Variants in NKAIN2 observed in about 807,000 individuals in gnomAD.
The protein encoded by NKAIN2 is sodium/potassium transporting ATPase interacting 2.
A neutral mutation model predicts 32.6 loss-of-function variants in NKAIN2; 14 were observed. That is an observed-to-expected ratio of 0.43 (90% CI 0.28 to 0.67). The LOEUF (loss-of-function observed/expected upper bound fraction) is 0.67. Among genes scored for constraint, NKAIN2 ranks in the 30% least tolerant of loss-of-function variants. The probability of loss-of-function intolerance (pLI) is 0.17; values close to 1 mark genes in which losing one functional copy is unlikely to be tolerated. For missense variants in NKAIN2, 198 were observed against 258.3 expected (o/e 0.77, Z 1.60); for synonymous variants, 80 against 87.2 (o/e 0.92, Z 0.46).
At chr6:124,578,449 C>T (rs541810449) in intron 3 of NKAIN2, among the ~76,000 whole-genome samples, 5 of 151,926 alleles carry the variant, frequency 3.3e-5, no homozygotes, top group African/African-American at 1.2e-4. Context: ...TTGCTATGGG[C>T]CTGGATCTAT....
chr6:124,294,169 C>T (rs975765307), intron 2 of NKAIN2, among the ~76,000 whole-genome samples: 1 of 151,888 alleles, frequency 6.6e-6, no homozygotes, highest in Admixed American at 6.6e-5. Context: ...TCATAAATGG[C>T]GGAGAAGTAG....
In NKAIN2 at chr6:124,167,500, T is replaced by A. The variant is rs553624223; in HGVS notation, c.55-115505T>A. Among the ~76,000 whole-genome samples the A allele has an allele frequency of 7.2e-5, 11 of 152,318 alleles. No homozygotes were observed. The East Asian group carries it at 2.1e-3, about 29-fold the overall frequency. On this transcript the variant is annotated intron_variant, in intron 1 of 6. Transcript: ENST00000368417. ...TTGACTTCCTCTTTTCCTAATTGAA[T>A]ACCCTTTATTTCCTTCTCCTGCCTG...
chr6:123,817,579 G>C (rs560785141), intron 1 of NKAIN2, among the ~76,000 whole-genome samples: 18 of 152,140 alleles, frequency 1.2e-4, no homozygotes, highest in Non-Finnish European at 1.0e-4. Flanking sequence ...CCCGAGGCCC[G>C]TGTCAGAATC....
chr6:124,055,980 G>A (rs1295795040), intron 1 of NKAIN2, among the ~76,000 whole-genome samples: 1 of 152,058 alleles, frequency 6.6e-6, no homozygotes, highest in African/African-American at 2.4e-5. Flanking sequence ...CCTATCTCCA[G>A]AGAGCAGAAT....
At chr6:124,494,075 A>C (rs571710005) in intron 3 of NKAIN2, among the ~76,000 whole-genome samples, 1 of 152,150 alleles carries the variant, frequency 6.6e-6, no homozygotes, top group East Asian at 1.9e-4. Context: ...TCTCCAAACC[A>C]GTTCTTAGAC....
chr6:123,892,889 C>A (rs755029580), intron 1 of NKAIN2, among the ~76,000 whole-genome samples: 17 of 151,462 alleles, frequency 1.1e-4, no homozygotes, highest in African/African-American at 1.7e-4. Context: ...AAATTTCTTG[C>A]CTTGATATTG....
At chr6:124,190,081 C>T (rs549869862) in intron 1 of NKAIN2, among the ~76,000 whole-genome samples, 1 of 152,352 alleles carries the variant, frequency 6.6e-6, no homozygotes, top group South Asian at 2.1e-4. Context: ...GAAAGTGAAT[C>T]TTTGGTGGCC....
intron 4 of NKAIN2, among the ~76,000 whole-genome samples, chr6:124,777,744 C>G (rs1039859627): frequency 1.4e-4 from 22 of 152,182 alleles, no homozygotes; most frequent in African/African-American, 5.3e-4. Context: ...TACTCACAAA[C>G]AAATTCTAGC....
At chr6:124,557,354 A>C (rs936169992) in intron 3 of NKAIN2, among the ~76,000 whole-genome samples, 2 of 152,200 alleles carry the variant, frequency 1.3e-5, no homozygotes, top group Non-Finnish European at 2.9e-5. Flanking sequence ...CCTAAAAAAA[A>C]ACTCTTTGAG....
rs929926007 is a variant in NKAIN2, at chr6:123,910,440, A to T, written c.54+106186A>T. On this transcript the variant is annotated intron_variant, in intron 1 of 6. Coordinates refer to ENST00000368417, the MANE Select transcript of NKAIN2 (RefSeq NM_001040214.3). ...TCTAAATTATCATGTATTTTTAGAT[A>T]TCTTATGCATTTGTTTCATAAACTA... is the stretch of plus-strand genomic sequence containing the variant. Among the ~76,000 whole-genome samples, 5 of 148,732 alleles carry T rather than the reference A, an allele frequency of 3.4e-5. No individual in the cohort carries two copies. In the East Asian group the frequency reaches 9.8e-4, roughly 29 times the overall value.
At chr6:124,219,972 A>G (rs1407596296) in intron 1 of NKAIN2, among the ~76,000 whole-genome samples, 1 of 152,206 alleles carries the variant, frequency 6.6e-6, no homozygotes, top group Non-Finnish European at 1.5e-5. Flanking sequence ...GCATTGTTTC[A>G]TAAGCATCTT....
chr6:124,062,585 C>T (rs1021860973), intron 1 of NKAIN2, among the ~76,000 whole-genome samples: 15 of 152,184 alleles, frequency 9.9e-5, no homozygotes, highest in South Asian at 2.1e-4. Context: ...TGCAGCAGCA[C>T]GCCTGACTAA....
At chr6:124,119,578 C>G (rs1008341406) in intron 1 of NKAIN2, among the ~76,000 whole-genome samples, 1 of 152,174 alleles carries the variant, frequency 6.6e-6, no homozygotes, top group Non-Finnish European at 1.5e-5. Flanking sequence ...GGGACTGTAT[C>G]TAACTCACAG....
At chr6:123,987,182 C>T (rs1392754481) in intron 1 of NKAIN2, among the ~76,000 whole-genome samples, 1 of 152,102 alleles carries the variant, frequency 6.6e-6, no homozygotes, top group Non-Finnish European at 1.5e-5. Flanking sequence ...AGATGAGTCT[C>T]TTTCATATCT....
intron 1 of NKAIN2, among the ~76,000 whole-genome samples, chr6:123,832,763 G>T (rs1774440559): frequency 6.6e-6 from 1 of 152,084 alleles, no homozygotes; most frequent in Non-Finnish European, 1.5e-5. Context: ...TTTGACATCT[G>T]TATATTTTCT....
intron 1 of NKAIN2, among the ~76,000 whole-genome samples, chr6:123,817,621 G>A (rs977504713): frequency 3.3e-5 from 5 of 152,056 alleles, no homozygotes; most frequent in South Asian, 4.2e-4. Flanking sequence ...CAACACCAGC[G>A]CCCCTTCCTC....
chr6:124,050,822 C>T (rs1782367626), intron 1 of NKAIN2, among the ~76,000 whole-genome samples: 1 of 151,896 alleles, frequency 6.6e-6, no homozygotes, highest in South Asian at 2.1e-4. Flanking sequence ...TCAAATGACA[C>T]AAACTCTAAA....
chr6:123,896,441 G>A (rs1774284124), intron 1 of NKAIN2, among the ~76,000 whole-genome samples: 1 of 152,114 alleles, frequency 6.6e-6, no homozygotes, highest in African/African-American at 2.4e-5. Context: ...GTATTTAAAT[G>A]AGATAGCCTT....
intron 2 of NKAIN2, among the ~76,000 whole-genome samples, chr6:124,306,174 T>C (rs1796499174): frequency 6.6e-6 from 1 of 152,182 alleles, no homozygotes. Context: ...GGTAAGTTGC[T>C]TCTTGTTACT....
Sources: gnomAD v4.1 joint callset for allele counts (sites outside exome capture counted in the v4.1 genomes callset) on GRCh38, gnomAD v4.1.1 for gene constraint, MANE v1.5 for transcripts, NCBI Gene and HGNC (gene_info 2026-07-23, HGNC 2026-07-21) for gene names.